The following SLX4IP variants were observed in gnomAD, a reference collection of about 807,000 sequenced individuals.
SLX4IP encodes SLX4 interacting protein.
A neutral mutation model predicts 32.9 loss-of-function variants in SLX4IP; 34 were observed. That is an observed-to-expected ratio of 1.03 (90% confidence interval 0.79 to 1.38). The LOEUF (loss-of-function observed/expected upper bound fraction) is 1.38. Among genes scored for constraint, SLX4IP ranks in the 40% most tolerant of loss-of-function variants. The pLI, the probability that SLX4IP is intolerant of heterozygous loss-of-function variation, is 0.00. For synonymous variants in SLX4IP, 172 were observed against 171.7 expected (o/e 1.00, Z -0.01); for missense variants, 444 against 479.0 (o/e 0.93, Z 0.68).
chr20:10,490,539 A>G (rs905596950), intron 2 of SLX4IP, among the ~76,000 whole-genome samples: 3 of 152,110 alleles, frequency 2.0e-5, no homozygotes, highest in African/African-American at 4.8e-5. Context: ...TCACTCAGTT[A>G]GTTTGTGAAT....
intron 2 of SLX4IP, among the ~76,000 whole-genome samples, chr20:10,550,734 C>G (rs983158402): frequency 2.6e-5 from 4 of 152,204 alleles, no homozygotes; most frequent in African/African-American, 4.8e-5. Context: ...AGACTCTTTT[C>G]CGTCTCCAAA....
At chr20:10,481,923 A>G (rs2065525673) in intron 2 of SLX4IP, among the ~76,000 whole-genome samples, 1 of 152,210 alleles carries the variant, frequency 6.6e-6, no homozygotes, top group Non-Finnish European at 1.5e-5. Flanking sequence ...GGTCCTCTCC[A>G]TAAGGCAACT....
intron 2 of SLX4IP, among the ~76,000 whole-genome samples, chr20:10,555,233 G>T (rs1048572603): frequency 6.6e-6 from 1 of 151,154 alleles, no homozygotes; most frequent in Non-Finnish European, 1.5e-5. Flanking sequence ...CCAAGGAAGT[G>T]AAAAAACTGA....
At chr20:10,461,339 G>C (rs186154671) in intron 2 of SLX4IP, among the ~76,000 whole-genome samples, 13 of 152,370 alleles carry the variant, frequency 8.5e-5, no homozygotes, top group Non-Finnish European at 1.5e-4. Context: ...CCATCTTATA[G>C]TGATGCCTGC....
chr20:10,502,481 C>T (rs2065727409), intron 2 of SLX4IP, among the ~76,000 whole-genome samples: 1 of 152,234 alleles, frequency 6.6e-6, no homozygotes, highest in South Asian at 2.1e-4. Flanking sequence ...TGCACACTCA[C>T]ATGTCCCCGC....
At chr20:10,474,618 A>C (rs2065458079) in intron 2 of SLX4IP, among the ~76,000 whole-genome samples, 1 of 152,208 alleles carries the variant, frequency 6.6e-6, no homozygotes, top group African/African-American at 2.4e-5. Flanking sequence ...TAACCCCAGA[A>C]GGAAGGCCAG....
At chr20:10,507,272 A>C (rs1223306213) in intron 2 of SLX4IP, among the ~76,000 whole-genome samples, 1 of 152,208 alleles carries the variant, frequency 6.6e-6, no homozygotes, top group Non-Finnish European at 1.5e-5. Context: ...AGAACCCGTC[A>C]TGTGTAGAGT....
intron 6 of SLX4IP, among the ~76,000 whole-genome samples, chr20:10,614,520 C>T (rs1218622518): frequency 1.3e-5 from 2 of 152,112 alleles, no homozygotes; most frequent in Non-Finnish European, 2.9e-5. Context: ...TGACCAGTAA[C>T]CTGATGACAT....
At chr20:10,447,032 G>A (rs971820346) in intron 1 of SLX4IP, among the ~76,000 whole-genome samples, 2 of 152,196 alleles carry the variant, frequency 1.3e-5, no homozygotes, top group South Asian at 4.1e-4. Context: ...AAAGGTTTTA[G>A]TTTCACACCT....
At chr20:10,587,483 A>T (rs1262985780) in intron 4 of SLX4IP, among the ~76,000 whole-genome samples, 2 of 152,186 alleles carry the variant, frequency 1.3e-5, no homozygotes, top group South Asian at 4.1e-4. Flanking sequence ...AGAATAAAAC[A>T]GGAAAAAAAT....
chr20:10,522,955 G>GT (rs1337621257), intron 2 of SLX4IP, among the ~76,000 whole-genome samples: 1 of 152,160 alleles, frequency 6.6e-6, no homozygotes, highest in Non-Finnish European at 1.5e-5. Context: ...CTTCCCTACT[G>GT]TGTTAAGTTC....
At chr20:10,548,143 G>C (rs592457) in intron 2 of SLX4IP, among the ~76,000 whole-genome samples, 88,373 of 152,030 alleles carry the variant, frequency 0.58, 26,204 homozygotes, top group South Asian at 0.75. Flanking sequence ...GTGGTTCAAC[G>C]CCTCCTAAAC....
At chr20:10,571,585 C>T (rs1405705185) in intron 4 of SLX4IP, among the ~76,000 whole-genome samples, 1 of 152,178 alleles carries the variant, frequency 6.6e-6, no homozygotes, top group Admixed American at 6.5e-5. Flanking sequence ...AGAGCACTTC[C>T]CTTCCTCTCT....
At chr20:10,466,185 GT>G (rs1266055529) in intron 2 of SLX4IP, among the ~76,000 whole-genome samples, 6 of 152,230 alleles carry the variant, frequency 3.9e-5, no homozygotes, top group African/African-American at 1.4e-4. Context: ...CCTCAGGAAA[GT>G]TTATGTGTCC....
chr20:10,581,659 T>C (rs1352034703), intron 4 of SLX4IP, among the ~76,000 whole-genome samples: 1 of 152,168 alleles, frequency 6.6e-6, no homozygotes, highest in East Asian at 1.9e-4. Context: ...CTCATGCCTG[T>C]AATCCTAACA....
At chr20:10,588,041 A>G (rs927035380) in intron 4 of SLX4IP, among the ~76,000 whole-genome samples, 1 of 152,112 alleles carries the variant, frequency 6.6e-6, no homozygotes, top group Non-Finnish European at 1.5e-5. Context: ...TGAAAAGGTA[A>G]CCTATAGAAT....
At chr20:10,463,723 G>A (rs2065357576) in intron 2 of SLX4IP, among the ~76,000 whole-genome samples, 2 of 152,190 alleles carry the variant, frequency 1.3e-5, no homozygotes, top group Admixed American at 6.5e-5. Context: ...TCAGTTCTCA[G>A]TAAACAAAAG....
rs145296218 is a variant in SLX4IP, at chr20:10,468,721, C to T, written c.27+10490C>T. Among the ~76,000 whole-genome samples, 863 of 152,276 alleles carry T rather than the reference C, an allele frequency of 5.7e-3. 5 individuals are homozygous for T. The highest frequency in any genetic ancestry group is 0.02 in the African/African-American group (823 of 41,552). On this transcript the variant is annotated intron_variant, in intron 2 of 7. Transcript: ENST00000334534. Reference sequence around the variant, plus strand: ...TCTTTGTTACACATCTAAACCTTTCCCATATTGATTTCTCTCTTGCTATGT... The same window carrying T: ...TCTTTGTTACACATCTAAACCTTTCTCATATTGATTTCTCTCTTGCTATGT...
chr20:10,438,850 C>T (rs1326417081), intron 1 of SLX4IP, among the ~76,000 whole-genome samples: 1 of 151,540 alleles, frequency 6.6e-6, no homozygotes, highest in African/African-American at 2.4e-5. Flanking sequence ...CTTCTTTCAT[C>T]ATCATCATAA....
Sources: allele counts gnomAD v4.1 joint callset (sites outside exome capture counted in the v4.1 genomes callset), GRCh38; gene constraint gnomAD v4.1.1; transcripts MANE v1.5; gene names NCBI Gene and HGNC (gene_info 2026-07-23, HGNC 2026-07-21).